Variants in FAM169A observed in about 807,000 individuals in gnomAD.
FAM169A encodes family with sequence similarity 169 member A.
In FAM169A, 24 loss-of-function variants were observed where a neutral mutation model predicts 75.7. The observed-to-expected ratio is 0.32, with a 90% CI of 0.23 to 0.45. FAM169A has a LOEUF of 0.45. Ranked by LOEUF, FAM169A falls within the 20% of genes least tolerant of loss-of-function variation. The pLI, the probability that FAM169A is intolerant of heterozygous loss-of-function variation, is 1.00. For missense variants in FAM169A, 673 were observed against 784.0 expected (o/e 0.86, Z 1.69); for synonymous variants, 271 against 271.0 (o/e 1.00, Z 0.00).
chr5:74,805,213 A>T lies in FAM169A; in HGVS notation c.742T>A (p.Trp248Arg), dbSNP rs775645580. The T allele has an allele frequency of 2.5e-6, 4 of 1,613,252 alleles. No homozygotes were observed. The South Asian group carries it at 3.3e-5, about 13-fold the overall frequency. Residue 248 changes from tryptophan to arginine, a missense_variant, in exon 7 of 13, where the codon TGG (tryptophan) becomes AGG (arginine). Physicochemically the swap from Trp to Arg is moderately radical, Grantham distance 101. Around this residue, in one of 3 missense-constraint regions of FAM169A, gnomAD observed 510 missense variants for 550.9 expected, o/e 0.93. Coordinates refer to ENST00000687041, the MANE Select transcript of FAM169A (RefSeq NM_001376049.1). ...LLWEVEGVGH[W>R]YQRIPVTRAL... ...CTGGTGACTGGTATTCGCTGGTACC[A>T]GTGTCCAACACCTTCAACTTCCCAA... is the stretch of plus-strand genomic sequence containing the variant.
chr5:74,846,961 G>A lies in FAM169A; in HGVS notation c.-3-5282C>T, dbSNP rs1053248770. 4.6e-5 allele frequency among the ~76,000 whole-genome samples: 7 copies of A among 152,128 alleles called. No individual in the cohort carries two copies. The East Asian group carries it at 1.4e-3, about 29-fold the overall frequency. On this transcript the variant is annotated intron_variant, in intron 1 of 12. Coordinates refer to ENST00000687041, the MANE Select transcript of FAM169A (RefSeq NM_001376049.1). ...CAGGACAGGTGTCCCTAAGTCCACT[G>A]ATCTTTCCTCTATCCCAGTGTTGTC...
intron 6 of FAM169A, among the ~76,000 whole-genome samples, chr5:74,806,308 T>C (rs1025699046): frequency 2.0e-5 from 3 of 152,130 alleles, no homozygotes; most frequent in African/African-American, 7.2e-5. Context: ...CAGCAAAGAA[T>C]GGATAAACTA....
chr5:74,799,047 G>A lies in FAM169A; in HGVS notation c.1103+1833C>T, dbSNP rs965918287. 5 of 1,053,178 alleles carry A rather than the reference G, an allele frequency of 4.7e-6. No homozygotes were observed. In the Admixed American group the frequency reaches 5.1e-5, roughly 11 times the overall value. The allele number at this position is 1,053,178 out of a possible 1,614,324, so 65.2% of individuals were successfully genotyped here. A position where few individuals can be genotyped will look rare whatever the true frequency, so the allele number is the denominator to read the frequency against. Reference sequence around the variant, plus strand: ...CAATCAACTGTCGTGCCTGAAACAGGGATCGTACCCAGATTGCCCTCAGTG... The same window carrying A: ...CAATCAACTGTCGTGCCTGAAACAGAGATCGTACCCAGATTGCCCTCAGTG... On this transcript the variant is annotated intron_variant, in intron 10 of 12. Coordinates refer to ENST00000687041, the MANE Select transcript of FAM169A (RefSeq NM_001376049.1).
chr5:74,866,516 C>T (rs1750357767), upstream of FAM169A: 2 of 615,278 alleles, frequency 3.3e-6, no homozygotes, highest in Non-Finnish European at 4.1e-6. Context: ...CCAGCCCCGG[C>T]TTTCAGGCGC....
At chr5:74,794,778 C>CAA (rs980861741) in intron 11 of FAM169A, among the ~76,000 whole-genome samples, 31 of 65,714 alleles carry the variant, frequency 4.7e-4, no homozygotes, top group African/African-American at 1.1e-3. Flanking sequence ...AACTCCGTCT[C>CAA]AAAAAAAAAA....
At chr5:74,824,244 T>G (rs772501544) in intron 5 of FAM169A, among the ~76,000 whole-genome samples, 1 of 152,204 alleles carries the variant, frequency 6.6e-6, no homozygotes, top group Non-Finnish European at 1.5e-5. Context: ...CAATTGACAG[T>G]TGAAGCCAAA....
intron 9 of FAM169A, 123 bp downstream of exon 9, chr5:74,801,467 G>C (rs148167193): frequency 0.019 from 15,068 of 789,344 alleles, 204 homozygotes; most frequent in Non-Finnish European, 0.027. Context: ...CTAGATTTTA[G>C]AGCTGGTTAA....
chr5:74,816,228 A>G (rs1025094690), intron 5 of FAM169A, among the ~76,000 whole-genome samples: 3 of 152,248 alleles, frequency 2.0e-5, no homozygotes, highest in African/African-American at 7.2e-5. Flanking sequence ...TTTGAAGTAC[A>G]AAGCAAAAAT....
chr5:74,798,187 A>G (rs1468594490), intron 10 of FAM169A, among the ~76,000 whole-genome samples: 1 of 152,210 alleles, frequency 6.6e-6, no homozygotes, highest in Non-Finnish European at 1.5e-5. Context: ...TTCTATCACA[A>G]TCCGCCTTAC....
chr5:74,831,323 T>G (rs531900193), intron 5 of FAM169A, among the ~76,000 whole-genome samples: 2 of 152,302 alleles, frequency 1.3e-5, no homozygotes, highest in East Asian at 3.9e-4. Flanking sequence ...AGTTGTACAG[T>G]AGACTAAATA....
intron 8 of FAM169A, among the ~76,000 whole-genome samples, chr5:74,802,709 T>C (rs904234366): frequency 2.0e-5 from 3 of 152,160 alleles, no homozygotes; most frequent in Non-Finnish European, 4.4e-5. Context: ...CTTGCCATAG[T>C]AACTACTTTA....
intron 4 of FAM169A, among the ~76,000 whole-genome samples, 184 bp downstream of exon 4, chr5:74,838,781 T>A (rs568914886): frequency 6.6e-6 from 1 of 152,230 alleles, no homozygotes; most frequent in Admixed American, 6.5e-5. Context: ...CAGATACTTA[T>A]AGAATCACAT....
intron 5 of FAM169A, among the ~76,000 whole-genome samples, chr5:74,817,104 A>G (rs533527790): frequency 6.6e-6 from 1 of 152,290 alleles, no homozygotes; most frequent in South Asian, 2.1e-4. Context: ...ATAATGGTGA[A>G]CCACTGGATA....
At chr5:74,794,291 G>A (rs910932535) in intron 11 of FAM169A, among the ~76,000 whole-genome samples, 8 of 151,298 alleles carry the variant, frequency 5.3e-5, no homozygotes, top group Middle Eastern at 3.4e-3. Context: ...CTACTCAGGA[G>A]GCTGAGGCAG....
intron 5 of FAM169A, among the ~76,000 whole-genome samples, chr5:74,822,083 C>G (rs569404396): frequency 6.6e-6 from 1 of 152,286 alleles, no homozygotes; most frequent in South Asian, 2.1e-4. Context: ...TAAGGCTGAG[C>G]ACAGTGTTAT....
At chr5:74,803,591 A>G (rs991630693) in intron 8 of FAM169A, among the ~76,000 whole-genome samples, 1 of 152,160 alleles carries the variant, frequency 6.6e-6, no homozygotes, top group Non-Finnish European at 1.5e-5. Flanking sequence ...TTAGATACAC[A>G]CATACAAAAA....
rs1348835881 is a variant in FAM169A, at chr5:74,778,398, G to C, written c.*3062C>G. On this transcript the variant is annotated 3_prime_UTR_variant, in exon 13 of 13. Coordinates refer to ENST00000687041, the MANE Select transcript of FAM169A (RefSeq NM_001376049.1). ...GAGCAGATATTTAGATATTAGTACA[G>C]GCTCAATTTGATGCAATCATAAACC... 1.3e-5 allele frequency: 2 copies of C among 151,968 alleles called. No individual in the cohort carries two copies. The highest frequency in any genetic ancestry group is 2.9e-5 in the Non-Finnish European group (2 of 67,878). The allele number at this position is 151,968 out of a possible 1,614,324, so 9.4% of individuals were successfully genotyped here. A position where few individuals can be genotyped will look rare whatever the true frequency, so the allele number is the denominator to read the frequency against.
chr5:74,866,848 G>A, upstream of FAM169A: 7 of 985,512 alleles, frequency 7.1e-6, no homozygotes, highest in South Asian at 4.7e-5. Context: ...TCCCGGCCTC[G>A]GGACAGGGGT....
chr5:74,812,094 T>C (rs543145021), intron 6 of FAM169A, among the ~76,000 whole-genome samples: 330 of 152,324 alleles, frequency 2.2e-3, no homozygotes, highest in Non-Finnish European at 3.7e-3. Flanking sequence ...CATGCTGACA[T>C]AGTACATGAG....
Sources: gnomAD v4.1 joint callset for allele counts (sites outside exome capture counted in the v4.1 genomes callset) on GRCh38, gnomAD v4.1.1 for gene constraint, gnomAD v4.1.1 regional missense constraint, MANE v1.5 for transcripts, NCBI Gene and HGNC (gene_info 2026-07-23, HGNC 2026-07-21) for gene names.